ZSWIM6: variants seen among roughly 807,000 people sequenced by gnomAD.
The protein encoded by ZSWIM6 is zinc finger SWIM domain-containing protein 6.
ZSWIM6 carries 9 observed loss-of-function variants against 113.2 expected under a neutral mutation model. That is an observed-to-expected ratio of 0.08 (90% CI 0.05 to 0.14). The LOEUF (loss-of-function observed/expected upper bound fraction) is 0.14, where lower values mean the gene tolerates loss of function less well. Ranked by LOEUF, ZSWIM6 falls within the 10% of genes least tolerant of loss-of-function variation. The pLI, the probability that ZSWIM6 is intolerant of heterozygous loss-of-function variation, is 1.00. For synonymous variants in ZSWIM6, 611 were observed against 606.5 expected (o/e 1.01, Z -0.11); for missense variants, 1,162 against 1,552.2 (o/e 0.75, Z 4.22).
In ZSWIM6 at chr5:61,531,786, T is replaced by G. The variant is rs564599319; in HGVS notation, c.2245+61T>G. ...AATTTGACTTAGGTGCTAATCTTTC[T>G]TATGTTAAAAGTGCTATCTGAATGC... On this transcript the variant is annotated intron_variant, in intron 9 of 13. Transcript: ENST00000252744. 87 of 1,522,118 alleles carry G rather than the reference T, an allele frequency of 5.7e-5. No homozygotes were observed. In the South Asian group the frequency reaches 1.0e-3, roughly 18 times the overall value. The allele number at this position is 1,522,118 out of a possible 1,614,324, so 94.3% of individuals were successfully genotyped here.
intron 1 of ZSWIM6, chr5:61,391,255 G>A: frequency 1.1e-6 from 1 of 899,234 alleles, no homozygotes; most frequent in Non-Finnish European, 1.9e-6. Flanking sequence ...TTGGTTCACA[G>A]GTACCTGCTG....
intron 1 of ZSWIM6, among the ~76,000 whole-genome samples, chr5:61,373,848 A>G (rs1418153302): frequency 6.6e-6 from 1 of 152,210 alleles, no homozygotes; most frequent in Non-Finnish European, 1.5e-5. Flanking sequence ...CATTAAAATT[A>G]TAGGATGTAG....
chr5:61,414,805 A>G (rs1429928910), intron 1 of ZSWIM6, among the ~76,000 whole-genome samples: 1 of 152,224 alleles, frequency 6.6e-6, no homozygotes, highest in Non-Finnish European at 1.5e-5. Flanking sequence ...CTGTTGAGTA[A>G]TAGATTTTTA....
intron 4 of ZSWIM6, among the ~76,000 whole-genome samples, chr5:61,499,833 T>C (rs1748415346): frequency 6.6e-6 from 1 of 152,168 alleles, no homozygotes; most frequent in African/African-American, 2.4e-5. Flanking sequence ...TATTTCTCAT[T>C]TTGGTCTAGC....
At chr5:61,366,525 G>T (rs1169248681) in intron 1 of ZSWIM6, among the ~76,000 whole-genome samples, 1 of 152,230 alleles carries the variant, frequency 6.6e-6, no homozygotes. Context: ...GAAAGACCCA[G>T]AATCTTCTCT....
chr5:61,356,735 T>TAC lies in ZSWIM6; in HGVS notation c.676+23788_676+23789insCA, dbSNP rs1229257508. 1.5e-4 allele frequency among the ~76,000 whole-genome samples: 20 copies of TAC among 136,598 alleles called. 2 individuals are homozygous for TAC. The highest frequency in any genetic ancestry group is 4.6e-4 in the African/African-American group (17 of 36,726). 89.6% of individuals were successfully genotyped at this position (136,598 alleles called of 152,430 possible). ...AATATATATAACATAATATATAATA[T>TAC]ATATTATATATATATATTATATATA... On this transcript the variant is annotated intron_variant, in intron 1 of 13. Transcript: ENST00000252744.
At chr5:61,364,249 C>G (rs1447085429) in intron 1 of ZSWIM6, among the ~76,000 whole-genome samples, 1 of 152,004 alleles carries the variant, frequency 6.6e-6, no homozygotes, top group Non-Finnish European at 1.5e-5. Context: ...CATACTCCAT[C>G]CCCTCTAGAT....
rs543289542 is a variant in ZSWIM6, at chr5:61,379,374, T to C, written c.676+46426T>C. ...CAATTTTTTTGATTTGTGAAGTGTT[T>C]TATTGCCTCTCTTTTCCTTTAAATC... On this transcript the variant is annotated intron_variant, in intron 1 of 13. Coordinates refer to ENST00000252744, the MANE Select transcript of ZSWIM6 (RefSeq NM_020928.2). Among the ~76,000 whole-genome samples, 5 of 148,912 alleles carry C rather than the reference T, an allele frequency of 3.4e-5. 1 individual carries two copies. Among genetic ancestry groups the C allele is most frequent in the Admixed American group, 3.3e-4 (5 of 15,130 alleles).
At chr5:61,418,088 C>G (rs896584891) in intron 1 of ZSWIM6, among the ~76,000 whole-genome samples, 4 of 152,106 alleles carry the variant, frequency 2.6e-5, no homozygotes, top group African/African-American at 9.7e-5. Flanking sequence ...TTTTAACTTG[C>G]AGTCCAGTCC....
At chr5:61,463,110 A>G (rs764358139) in intron 1 of ZSWIM6, among the ~76,000 whole-genome samples, 30 of 152,066 alleles carry the variant, frequency 2.0e-4, no homozygotes, top group Non-Finnish European at 4.0e-4. Context: ...AGAAGTAAAT[A>G]CTCTCTGATT....
At chr5:61,478,115 G>T (rs1018790533) in intron 2 of ZSWIM6, among the ~76,000 whole-genome samples, 1 of 152,218 alleles carries the variant, frequency 6.6e-6, no homozygotes. Context: ...CCTTTCTATT[G>T]TATAATAGAA....
At chr5:61,404,093 C>T (rs1331332959) in intron 1 of ZSWIM6, among the ~76,000 whole-genome samples, 1 of 151,898 alleles carries the variant, frequency 6.6e-6, no homozygotes, top group Admixed American at 6.6e-5. Flanking sequence ...CTGCAAGCTC[C>T]GCCTCCCGGG....
At chr5:61,350,869 A>G (rs1446266416) in intron 1 of ZSWIM6, among the ~76,000 whole-genome samples, 1 of 152,212 alleles carries the variant, frequency 6.6e-6, no homozygotes. Context: ...TCACATGGGA[A>G]TACATGAAAG....
chr5:61,440,790 T>C (rs1267892130), intron 1 of ZSWIM6, among the ~76,000 whole-genome samples: 1 of 152,168 alleles, frequency 6.6e-6, no homozygotes, highest in East Asian at 1.9e-4. Flanking sequence ...CAGGGAACAT[T>C]TAATGCGTGC....
At chr5:61,535,403 G>A (rs1749547902) in intron 9 of ZSWIM6, 81 bp from the exon 10 acceptor site, 1 of 1,454,162 alleles carries the variant, frequency 6.9e-7, no homozygotes, top group Non-Finnish European at 9.4e-7. Context: ...ATAACTTTAT[G>A]TGACATTTTA....
At chr5:61,485,167 T>A (rs10454818) in intron 2 of ZSWIM6, among the ~76,000 whole-genome samples, 2,489 of 152,210 alleles carry the variant, frequency 0.016, 27 homozygotes, top group Non-Finnish European at 0.026. Context: ...CAGATACAAT[T>A]CTTGCTCTCA....
chr5:61,540,782 C>T (rs918906205), intron 12 of ZSWIM6, among the ~76,000 whole-genome samples: 19 of 151,966 alleles, frequency 1.3e-4, no homozygotes, highest in Non-Finnish European at 1.8e-4. Flanking sequence ...AGGATATGCA[C>T]GAGAGCTTAT....
chr5:61,373,868 A>C (rs1183612571), intron 1 of ZSWIM6, among the ~76,000 whole-genome samples: 2 of 152,206 alleles, frequency 1.3e-5, no homozygotes, highest in African/African-American at 4.8e-5. Context: ...GTAGAAATGA[A>C]AGTTTAAAAA....
chr5:61,418,941 C>T (rs1185508419), intron 1 of ZSWIM6, among the ~76,000 whole-genome samples: 1 of 152,214 alleles, frequency 6.6e-6, no homozygotes, highest in Non-Finnish European at 1.5e-5. Flanking sequence ...CCTGCCTCAG[C>T]CTCCTGAGTA....
Sources: gnomAD v4.1 joint callset for allele counts (sites outside exome capture counted in the v4.1 genomes callset) on GRCh38, gnomAD v4.1.1 for gene constraint, MANE v1.5 for transcripts, NCBI Gene and HGNC (gene_info 2026-07-23, HGNC 2026-07-21) for gene names.